TMEM47: variants seen among roughly 807,000 people sequenced by gnomAD.
TMEM47 encodes brain cell membrane protein 1.
TMEM47 carries 3 observed loss-of-function variants against 12.4 expected under a neutral mutation model. That is an observed-to-expected ratio of 0.24 (90% CI 0.11 to 0.63). TMEM47 has a LOEUF of 0.63. TMEM47 is among the 20% of genes least tolerant of loss of function. The probability of loss-of-function intolerance (pLI) is 0.86; values close to 1 mark genes in which losing one functional copy is unlikely to be tolerated. For synonymous variants in TMEM47, 62 were observed against 63.3 expected, an observed-to-expected ratio of 0.98 and a Z score of 0.10; for missense variants, 89 against 143.8, an observed-to-expected ratio of 0.62 and a Z score of 1.95.
chrX:34,655,269 G>C (rs1922085088), intron 1 of TMEM47, among the ~76,000 whole-genome samples: 1 of 112,016 alleles, frequency 8.9e-6, no homozygotes, highest in Admixed American at 9.5e-5. Context: ...GAGTCGTGCA[G>C]TAGCTGTCAT....
intron 1 of TMEM47, among the ~76,000 whole-genome samples, chrX:34,650,064 T>G (rs2147141825): frequency 8.9e-6 from 1 of 112,310 alleles, no homozygotes; most frequent in Non-Finnish European, 1.9e-5. Context: ...ATGGAGAAAC[T>G]TAAAGTAGAA....
At chrX:34,641,389 T>C (rs1921815559) in intron 1 of TMEM47, among the ~76,000 whole-genome samples, 1 of 112,265 alleles carries the variant, frequency 8.9e-6, no homozygotes, top group Admixed American at 9.5e-5. Flanking sequence ...TATAGAACGA[T>C]TATTACTGTT....
Position 34,630,338 on chromosome X carries a change from G to C in TMEM47, c.521C>G (p.Pro174Arg). Reference protein sequence around the residue: ...FGGAILYCLNPKNYEDYY With the variant: ...FGGAILYCLNRKNYEDYY ...CTAGTAGTAGTCTTCATAGTTCTTA[G>C]GGTTCAGGCAATAAAGGATGGCACC... The change falls in exon 3 of 3, where the codon CCT (proline) becomes CGT (arginine). Residue 174 changes from proline (P) to arginine (R), a missense_variant. Transcript: ENST00000275954. 1 of 1,209,252 alleles carries C rather than the reference G, an allele frequency of 8.3e-7. No homozygotes were observed. The highest frequency in any genetic ancestry group is 1.1e-6 in the Non-Finnish European group (1 of 894,343).
intron 1 of TMEM47, among the ~76,000 whole-genome samples, chrX:34,639,883 T>C (rs1921785296): frequency 1.8e-5 from 2 of 111,637 alleles, no homozygotes; most frequent in South Asian, 7.5e-4. Context: ...AGGACATCCG[T>C]CACCACAGAT....
chrX:34,646,233 A>T (rs1318311028), intron 1 of TMEM47, among the ~76,000 whole-genome samples: 1 of 112,363 alleles, frequency 8.9e-6, no homozygotes, highest in African/African-American at 3.2e-5. Context: ...TTTTCAACAA[A>T]TAATGGAACA....
In TMEM47 at chrX:34,656,841, G is replaced by A. The variant is rs1922118960; in HGVS notation, c.189C>T (p.Ser63=). The change falls in exon 1 of 3, where the codon AGC becomes AGT. Residue 63 remains serine, a synonymous_variant. Coordinates refer to ENST00000275954, the MANE Select transcript of TMEM47 (RefSeq NM_031442.4). The part of the protein sequence containing the change: ...SLWESCRKPA[S]LDIWHCESTL... ...TGGACTCGCAGTGCCAGATGTCCAA[G>A]CTGGCGGGTTTCCGGCAGGACTCCC... 14 of 1,170,841 alleles carry A rather than the reference G, an allele frequency of 1.2e-5. No individual in the cohort carries two copies. Among genetic ancestry groups the A allele is most frequent in the Non-Finnish European group, 1.6e-5 (14 of 875,208 alleles).
intron 2 of TMEM47, among the ~76,000 whole-genome samples, chrX:34,635,983 T>A (rs900269391): frequency 3.6e-5 from 4 of 112,105 alleles, no homozygotes; most frequent in African/African-American, 1.3e-4. Context: ...AAGGTATCCA[T>A]TTCTTTTCTT....
chrX:34,629,558 T>C lies in TMEM47; in HGVS notation c.*755A>G, dbSNP rs1020208613. On this transcript the variant is annotated 3_prime_UTR_variant, in exon 3 of 3. Coordinates refer to ENST00000275954, the MANE Select transcript of TMEM47 (RefSeq NM_031442.4). Reference sequence around the variant, plus strand: ...CTTGTTTGCTGCAATGTTTGGCAAATGATTTAAAGGGTACAAAAGCAACTC... The same window carrying C: ...CTTGTTTGCTGCAATGTTTGGCAAACGATTTAAAGGGTACAAAAGCAACTC... 8.1e-5 allele frequency: 9 copies of C among 111,431 alleles called. No individual in the cohort carries two copies. Among genetic ancestry groups the C allele is most frequent in the Non-Finnish European group, 1.3e-4 (7 of 53,172 alleles). 9.2% of individuals were successfully genotyped at this position (111,431 alleles called of 1,213,427 possible). A position where few individuals can be genotyped will look rare whatever the true frequency, so the allele number is the denominator to read the frequency against.
chrX:34,632,380 C>G (rs1921642081), intron 2 of TMEM47, among the ~76,000 whole-genome samples: 1 of 111,536 alleles, frequency 9.0e-6, no homozygotes, highest in Non-Finnish European at 1.9e-5. Context: ...TTAAAATGTA[C>G]TCTCATCTAT....
intron 1 of TMEM47, among the ~76,000 whole-genome samples, chrX:34,641,168 T>C (rs1043312502): frequency 2.7e-5 from 3 of 110,638 alleles, no homozygotes; most frequent in Non-Finnish European, 3.8e-5. Flanking sequence ...AAGTGCACAA[T>C]TATATTGCAC....
rs1195511976 is a variant in TMEM47 at position 34,640,442 on chromosome X, G to A, written c.227-1055C>T. Among the ~76,000 whole-genome samples, 4 of 111,752 alleles carry A rather than the reference G, an allele frequency of 3.6e-5. No homozygotes were observed. In the East Asian group the frequency reaches 1.1e-3, roughly 31 times the overall value. Reference sequence around the variant, plus strand: ...TGGCCCATTTTCCATTCATAAGAATGGTAAAATATTCTCTCAGAAGAGACA... The same window carrying A: ...TGGCCCATTTTCCATTCATAAGAATAGTAAAATATTCTCTCAGAAGAGACA... On this transcript the variant is annotated intron_variant, in intron 1 of 2. Coordinates refer to ENST00000275954, the MANE Select transcript of TMEM47 (RefSeq NM_031442.4).
chrX:34,639,226 G>C (rs771529402), intron 2 of TMEM47, 21 bp downstream of exon 2: 20 of 1,168,653 alleles, frequency 1.7e-5, no homozygotes, highest in Non-Finnish European at 2.3e-5. Context: ...ATACTCATTT[G>C]AAAGTAATGA....
At chrX:34,638,558 A>C (rs1921757902) in intron 2 of TMEM47, among the ~76,000 whole-genome samples, 1 of 112,056 alleles carries the variant, frequency 8.9e-6, no homozygotes, top group Admixed American at 9.5e-5. Context: ...GGCAAACTGA[A>C]GGCACCACAG....
intron 1 of TMEM47, among the ~76,000 whole-genome samples, chrX:34,648,324 T>C (rs1921952175): frequency 1.8e-5 from 2 of 111,833 alleles, no homozygotes; most frequent in Non-Finnish European, 3.8e-5. Context: ...AGCATGGTAC[T>C]AGTAGTACAA....
At chrX:34,646,039 A>T (rs758138527) in intron 1 of TMEM47, among the ~76,000 whole-genome samples, 7 of 111,293 alleles carry the variant, frequency 6.3e-5, no homozygotes, top group Non-Finnish European at 1.1e-4. Flanking sequence ...ACTCCAGGTA[A>T]CCATCCAAAC....
chrX:34,633,656 GCTT>G (rs1921664362), intron 2 of TMEM47, among the ~76,000 whole-genome samples: 1 of 111,714 alleles, frequency 9.0e-6, no homozygotes, highest in Admixed American at 9.6e-5. Flanking sequence ...TGATTACACT[GCTT>G]CTTTTGTGAA....
rs1225093062 is a variant in TMEM47, at chrX:34,629,737, GCATAA to G, written c.*571_*575del. 1 of 111,489 alleles carries G rather than the reference GCATAA, an allele frequency of 9.0e-6. No homozygotes were observed. The highest frequency in any genetic ancestry group is 3.3e-5 in the African/African-American group (1 of 30,617). 9.2% of individuals were successfully genotyped at this position (111,489 alleles called of 1,213,427 possible). On this transcript the variant is annotated 3_prime_UTR_variant, in exon 3 of 3. Coordinates refer to ENST00000275954, the MANE Select transcript of TMEM47 (RefSeq NM_031442.4). The stretch of plus-strand genomic sequence containing the variant: ...TCCCAGGGAGACGCTGATTGCCAAA[GCATAA>G]CCTCCCATTAAAAAGAGTGTTCCTG...
intron 2 of TMEM47, among the ~76,000 whole-genome samples, chrX:34,637,108 C>G (rs1427708583): frequency 9.0e-6 from 1 of 111,708 alleles, no homozygotes; most frequent in African/African-American, 3.2e-5. Flanking sequence ...TGTTAAGTGT[C>G]TAGCACGTGG....
At chrX:34,655,089 TG>T (rs1922080723) in intron 1 of TMEM47, among the ~76,000 whole-genome samples, 1 of 111,932 alleles carries the variant, frequency 8.9e-6, no homozygotes, top group Non-Finnish European at 1.9e-5. Flanking sequence ...AAACTCGAGC[TG>T]GCTTCTCCCC....
Sources: gnomAD v4.1 joint callset for allele counts (sites outside exome capture counted in the v4.1 genomes callset) on GRCh38, gnomAD v4.1.1 for gene constraint, MANE v1.5 for transcripts, NCBI Gene and HGNC (gene_info 2026-07-23, HGNC 2026-07-21) for gene names.